The following UMAD1 variants were observed in gnomAD, a reference collection of about 807,000 sequenced individuals.
UMAD1 encodes UBAP1-MVB12-associated (UMA)-domain containing protein 1.
In UMAD1, 8 loss-of-function variants were observed where a neutral mutation model predicts 6.1. The observed-to-expected ratio is 1.30, with a 90% CI of 0.76 to 2.35. UMAD1 has a LOEUF of 2.35. Ranked by LOEUF, UMAD1 falls within the 30% of genes most tolerant of loss-of-function variation. The pLI is 0.00. For synonymous variants in UMAD1, 56 were observed against 31.4 expected (o/e 1.78, Z -2.61); for missense variants, 130 against 78.4 (o/e 1.66, Z -2.49).
chr7:7,828,915 A>T (rs1293405281), intron 3 of UMAD1, among the ~76,000 whole-genome samples: 5 of 152,180 alleles, frequency 3.3e-5, no homozygotes, highest in African/African-American at 1.2e-4. Flanking sequence ...TGTGGTTAGG[A>T]GGTCATTGAC....
At chr7:7,818,348 T>C (rs760230559) in intron 3 of UMAD1, among the ~76,000 whole-genome samples, 4 of 152,142 alleles carry the variant, frequency 2.6e-5, no homozygotes, top group African/African-American at 7.2e-5. Context: ...ATTCCATGGT[T>C]TATGTGTACC....
intron 2 of UMAD1, among the ~76,000 whole-genome samples, chr7:7,676,466 G>A (rs1779741839): frequency 6.6e-6 from 1 of 152,018 alleles, no homozygotes; most frequent in Non-Finnish European, 1.5e-5. Flanking sequence ...CTAAACCACT[G>A]AACTATCCAT....
intron 3 of UMAD1, among the ~76,000 whole-genome samples, chr7:7,839,865 T>C (rs1314727465): frequency 6.6e-6 from 1 of 152,168 alleles, no homozygotes; most frequent in African/African-American, 2.4e-5. Flanking sequence ...AAAATGAAAC[T>C]AGTCATCATG....
At chr7:7,844,251 A>C (rs1783740951) in intron 3 of UMAD1, among the ~76,000 whole-genome samples, 1 of 152,136 alleles carries the variant, frequency 6.6e-6, no homozygotes, top group African/African-American at 2.4e-5. Flanking sequence ...TCAGAGTGGA[A>C]ACTGGTTGAC....
intron 3 of UMAD1, among the ~76,000 whole-genome samples, chr7:7,875,874 C>G (rs1784407818): frequency 6.6e-6 from 1 of 152,070 alleles, no homozygotes; most frequent in African/African-American, 2.4e-5. Flanking sequence ...TCCAGGAGTT[C>G]AAAACCAGCT....
At chr7:7,872,468 T>G (rs1186274311) in intron 3 of UMAD1, among the ~76,000 whole-genome samples, 1 of 152,230 alleles carries the variant, frequency 6.6e-6, no homozygotes, top group Non-Finnish European at 1.5e-5. Flanking sequence ...TGGGCATGGT[T>G]CGTGGCACTG....
At chr7:7,818,361 G>A (rs1409468085) in intron 3 of UMAD1, among the ~76,000 whole-genome samples, 2 of 151,900 alleles carry the variant, frequency 1.3e-5, no homozygotes, top group South Asian at 2.1e-4. Flanking sequence ...TGTGTACCAC[G>A]TGAACAGACA....
At chr7:7,793,191 A>G (rs1392374869) in intron 2 of UMAD1, among the ~76,000 whole-genome samples, 1 of 152,170 alleles carries the variant, frequency 6.6e-6, no homozygotes, top group Non-Finnish European at 1.5e-5. Flanking sequence ...TTCCCATTTA[A>G]TCTTTATAAC....
chr7:7,686,090 G>C (rs946165434), intron 2 of UMAD1: 1 of 152,152 alleles, frequency 6.6e-6, no homozygotes, highest in African/African-American at 2.4e-5. Flanking sequence ...AGAGTTGACT[G>C]TTTTACTCTA....
chr7:7,687,164 A>G (rs1780059143), intron 2 of UMAD1: 1 of 152,178 alleles, frequency 6.6e-6, no homozygotes, highest in Non-Finnish European at 1.5e-5. Flanking sequence ...TGGAAATAAT[A>G]GTATTTGGAT....
chr7:7,763,514 G>A (rs765294746), intron 2 of UMAD1, among the ~76,000 whole-genome samples: 3 of 152,198 alleles, frequency 2.0e-5, no homozygotes, highest in Non-Finnish European at 2.9e-5. Flanking sequence ...AACATGCAAA[G>A]CCAATGACAT....
chr7:7,644,535 G>A (rs933137622), intron 1 of UMAD1, among the ~76,000 whole-genome samples: 5 of 151,896 alleles, frequency 3.3e-5, no homozygotes, highest in Admixed American at 6.6e-5. Flanking sequence ...TTAATAGTCC[G>A]TCATCTAGAA....
At chr7:7,705,442 A>G (rs1252047346) in intron 2 of UMAD1, among the ~76,000 whole-genome samples, 1 of 152,202 alleles carries the variant, frequency 6.6e-6, no homozygotes, top group East Asian at 1.9e-4. Context: ...AAGTTAATGT[A>G]ATTGGTTTGG....
At chr7:7,703,583 T>TA (rs1428613611) in intron 2 of UMAD1, among the ~76,000 whole-genome samples, 1 of 152,186 alleles carries the variant, frequency 6.6e-6, no homozygotes, top group Non-Finnish European at 1.5e-5. Flanking sequence ...TACAGGCACT[T>TA]ACAACACAGG....
At chr7:7,868,182 T>G (rs1470478637) in intron 3 of UMAD1, 2 of 152,222 alleles carry the variant, frequency 1.3e-5, no homozygotes, top group Non-Finnish European at 2.9e-5. Context: ...AAAGCAACTT[T>G]AAAACAATTT....
chr7:7,696,284 A>G (rs1780314724), intron 2 of UMAD1, among the ~76,000 whole-genome samples: 1 of 151,582 alleles, frequency 6.6e-6, no homozygotes, highest in South Asian at 2.1e-4. Context: ...AAAGTTGGTA[A>G]GAATTATTAG....
intron 3 of UMAD1, among the ~76,000 whole-genome samples, chr7:7,842,484 T>G (rs1783701006): frequency 6.6e-6 from 1 of 152,128 alleles, no homozygotes; most frequent in African/African-American, 2.4e-5. Flanking sequence ...AACTTGTGAT[T>G]GTGATCTGTC....
chr7:7,714,319 C>A (rs183428989), intron 2 of UMAD1, among the ~76,000 whole-genome samples: 7 of 152,334 alleles, frequency 4.6e-5, no homozygotes, highest in African/African-American at 1.7e-4. Flanking sequence ...AGCAGACTTT[C>A]TTTGGCTGCT....
intron 2 of UMAD1, among the ~76,000 whole-genome samples, chr7:7,730,053 A>C (rs1781217485): frequency 6.6e-6 from 1 of 152,022 alleles, no homozygotes; most frequent in Non-Finnish European, 1.5e-5. Context: ...GATAAACTCG[A>C]CTTTTCCCTT....
Sources: gnomAD v4.1 joint callset for allele counts (sites outside exome capture counted in the v4.1 genomes callset) on GRCh38, gnomAD v4.1.1 for gene constraint, MANE v1.5 for transcripts, NCBI Gene and HGNC (gene_info 2026-07-23, HGNC 2026-07-21) for gene names.